The following F9 variants were observed in gnomAD, a reference collection of about 807,000 sequenced individuals.
F9 encodes coagulation factor IX.
In F9, 2 loss-of-function variants were observed where a neutral mutation model predicts 34.1. That is an observed-to-expected ratio of 0.06 (90% CI 0.02 to 0.18). F9 has a LOEUF of 0.18. Among genes scored for constraint, F9 ranks in the 10% least tolerant of loss-of-function variants. The probability of loss-of-function intolerance (pLI) is 1.00; values close to 1 mark genes in which losing one functional copy is unlikely to be tolerated. For missense variants in F9, 216 were observed against 345.1 expected (o/e 0.63, Z 2.96); for synonymous variants, 137 against 118.8 (o/e 1.15, Z -1.00).
At position 139,537,646 on chromosome X, in the gene F9, T is replaced by G. The variant is rs754228627; in HGVS notation, c.277+260T>G. On this transcript the variant is annotated intron_variant, in intron 3 of 7. Coordinates refer to ENST00000218099, the MANE Select transcript of F9 (RefSeq NM_000133.4). ...CCCCAGGAGGGTGGAAGGAAGAAAC[T>G]GAAATGATTGTGTCTTAGAACCTAA... Among the ~76,000 whole-genome samples, 64 of 111,619 alleles carry G rather than the reference T, an allele frequency of 5.7e-4. No individual in the cohort carries two copies. In the Middle Eastern group the frequency reaches 0.019, roughly 33 times the overall value.
chrX:139,557,978 G>A (rs944489044), intron 6 of F9, among the ~76,000 whole-genome samples: 1 of 112,152 alleles, frequency 8.9e-6, no homozygotes, highest in Non-Finnish European at 1.9e-5. Context: ...CTACCACCTG[G>A]TGCCTTAGCC....
At chrX:139,555,877 G>A (rs1217517057) in intron 6 of F9, among the ~76,000 whole-genome samples, 1 of 111,659 alleles carries the variant, frequency 9.0e-6, no homozygotes, top group East Asian at 2.8e-4. Context: ...TGCAACGCCT[G>A]TATTACTAGA....
chrX:139,559,507 G>C (rs754976827), intron 6 of F9, among the ~76,000 whole-genome samples: 6 of 110,273 alleles, frequency 5.4e-5, no homozygotes, highest in Non-Finnish European at 1.1e-4. Context: ...TCTCCAGCCT[G>C]GTGACAGGGC....
chrX:139,548,502 G>A lies in F9; in HGVS notation c.520+11G>A. ...CCTGTGAACCAGCAGGTCATAATCT[G>A]AATAAGATTTTTTAAAGAAAATCTG... is the stretch of plus-strand genomic sequence containing the variant. On this transcript the variant is annotated intron_variant, in intron 5 of 7. Coordinates refer to ENST00000218099, the MANE Select transcript of F9 (RefSeq NM_000133.4). The A allele has an allele frequency of 8.3e-7, 1 of 1,199,517 alleles. No homozygotes were observed. Among genetic ancestry groups the A allele is most frequent in the Non-Finnish European group, 1.1e-6 (1 of 889,119 alleles).
intron 4 of F9, 34 bp from the exon 5 acceptor site, chrX:139,548,329 A>T (rs759460857): frequency 3.3e-6 from 4 of 1,199,437 alleles, no homozygotes; most frequent in Non-Finnish European, 4.5e-6. Flanking sequence ...TGCATGTTAA[A>T]TGATGCTGTT....
chrX:139,550,056 C>G (rs781581373), intron 5 of F9, among the ~76,000 whole-genome samples: 8 of 111,290 alleles, frequency 7.2e-5, no homozygotes, highest in Non-Finnish European at 1.5e-4. Context: ...TAAACCCTTA[C>G]AAGTTCTTCT....
intron 6 of F9, among the ~76,000 whole-genome samples, chrX:139,553,228 C>G (rs1269687305): frequency 1.8e-5 from 2 of 111,874 alleles, no homozygotes; most frequent in Admixed American, 9.4e-5. Flanking sequence ...GACTGCTTCC[C>G]TTACCTACCA....
chrX:139,546,230 TC>T (rs1371553867), intron 4 of F9, among the ~76,000 whole-genome samples: 1 of 112,220 alleles, frequency 8.9e-6, no homozygotes, highest in African/African-American at 3.2e-5. Context: ...CCAGCTCCAT[TC>T]ATATTCCCAC....
chrX:139,542,569 A>G (rs369087121), intron 4 of F9, among the ~76,000 whole-genome samples: 7 of 112,229 alleles, frequency 6.2e-5, no homozygotes, highest in East Asian at 5.6e-4. Flanking sequence ...CTTAAATAAT[A>G]TAGCCGGTGG....
intron 1 of F9, among the ~76,000 whole-genome samples, chrX:139,531,514 C>T (rs1421757905): frequency 8.9e-6 from 1 of 112,146 alleles, no homozygotes; most frequent in Non-Finnish European, 1.9e-5. Context: ...AAACACAATA[C>T]TCAGTTGAGT....
intron 4 of F9, among the ~76,000 whole-genome samples, chrX:139,546,683 C>A (rs970089029): frequency 9.0e-6 from 1 of 111,256 alleles, no homozygotes; most frequent in Non-Finnish European, 1.9e-5. Context: ...TGTCTATATA[C>A]CAGCAACGAT....
chrX:139,548,374 A>G lies in F9; in HGVS notation c.403A>G (p.Asn135Asp). 1 of 1,210,624 alleles carries G rather than the reference A, an allele frequency of 8.3e-7. No homozygotes were observed. The highest frequency in any genetic ancestry group is 1.1e-6 in the Non-Finnish European group (1 of 894,571). ...GKNCELDVTC[N>D]IKNGRCEQFC... Reference sequence around the variant, plus strand: ...TTTGCTTCTTTTAGATGTAACATGTAACATTAAGAATGGCAGATGCGAGCA... The same window carrying G: ...TTTGCTTCTTTTAGATGTAACATGTGACATTAAGAATGGCAGATGCGAGCA... Residue 135 changes from asparagine (N) to aspartate (D), a missense_variant, in exon 5 of 8, where the codon AAC becomes GAC. Transcript: ENST00000218099.
intron 6 of F9, among the ~76,000 whole-genome samples, chrX:139,557,524 A>G (rs1927995549): frequency 8.9e-6 from 1 of 111,929 alleles, no homozygotes; most frequent in Admixed American, 9.4e-5. Flanking sequence ...CTACATCATA[A>G]TCTCTCTGCC....
intron 1 of F9, among the ~76,000 whole-genome samples, chrX:139,534,700 G>A (rs1167570378): frequency 8.9e-6 from 1 of 112,105 alleles, no homozygotes; most frequent in Non-Finnish European, 1.9e-5. Flanking sequence ...CAAATAGTAA[G>A]CCATTTTTAT....
intron 3 of F9, among the ~76,000 whole-genome samples, chrX:139,538,774 A>T (rs752237165): frequency 9.1e-6 from 1 of 110,475 alleles, no homozygotes; most frequent in South Asian, 3.9e-4. Context: ...CCACCAAAAA[A>T]TTCCTGACTA....
intron 5 of F9, among the ~76,000 whole-genome samples, chrX:139,548,975 C>T (rs1001826093): frequency 1.8e-5 from 2 of 111,104 alleles, no homozygotes; most frequent in African/African-American, 6.5e-5. Context: ...AGAATGATTC[C>T]GGCAATGAAC....
intron 6 of F9, among the ~76,000 whole-genome samples, chrX:139,556,626 T>C (rs758879676): frequency 1.8e-5 from 2 of 112,465 alleles, no homozygotes; most frequent in East Asian, 5.6e-4. Context: ...ATGATAAAAA[T>C]TCAATTAAGA....
intron 6 of F9, among the ~76,000 whole-genome samples, chrX:139,554,627 A>G (rs1003795468): frequency 3.6e-5 from 4 of 112,674 alleles, no homozygotes; most frequent in Admixed American, 1.9e-4. Flanking sequence ...GGGAGGAAAT[A>G]CTAGATTTGA....
chrX:139,550,262 T>C (rs962671662), intron 5 of F9, among the ~76,000 whole-genome samples: 5 of 112,469 alleles, frequency 4.4e-5, no homozygotes, highest in Non-Finnish European at 7.5e-5. Context: ...ACTAATTTCC[T>C]GTTTTCTCAA....
Sources: gnomAD v4.1 joint callset for allele counts (sites outside exome capture counted in the v4.1 genomes callset) on GRCh38, gnomAD v4.1.1 for gene constraint, MANE v1.5 for transcripts, NCBI Gene and HGNC (gene_info 2026-07-23, HGNC 2026-07-21) for gene names.